Variants in ISM1 observed in about 807,000 individuals in gnomAD.
The protein encoded by ISM1 is isthmin 1, also known as isthmin-1.
Under a neutral mutation model 46.3 loss-of-function variants are expected in ISM1, and 25 were observed. The ratio of observed to expected loss-of-function variants is 0.54; its 90% CI spans 0.39 to 0.75. The LOEUF (loss-of-function observed/expected upper bound fraction) is 0.75. ISM1 is among the 30% of genes least tolerant of loss of function. The probability of loss-of-function intolerance (pLI) is 0.00; values close to 1 mark genes in which losing one functional copy is unlikely to be tolerated. For synonymous variants in ISM1, 255 were observed against 256.7 expected (o/e 0.99, Z 0.06); for missense variants, 536 against 625.4 (o/e 0.86, Z 1.52).
chr20:13,225,355 G>A (rs1001549967), intron 1 of ISM1, among the ~76,000 whole-genome samples: 7 of 152,184 alleles, frequency 4.6e-5, no homozygotes, highest in Non-Finnish European at 8.8e-5. Flanking sequence ...ATACACTCAA[G>A]AGAGAGAAAG....
At chr20:13,228,701 A>C (rs912749981) in intron 1 of ISM1, among the ~76,000 whole-genome samples, 1 of 152,148 alleles carries the variant, frequency 6.6e-6, no homozygotes, top group Non-Finnish European at 1.5e-5. Context: ...CTCCAGCTTG[A>C]AAAAATTTCT....
chr20:13,282,993 T>C (rs1240725158), intron 3 of ISM1, among the ~76,000 whole-genome samples: 1 of 152,210 alleles, frequency 6.6e-6, no homozygotes, highest in African/African-American at 2.4e-5. Flanking sequence ...CGGAATTCCA[T>C]ACAGCATCAG....
intron 1 of ISM1, among the ~76,000 whole-genome samples, chr20:13,256,395 C>CAAAAAAAA: frequency 2.8e-5 from 2 of 71,802 alleles, no homozygotes; most frequent in Non-Finnish European, 5.7e-5. Flanking sequence ...GACCCCGTCT[C>CAAAAAAAA]AAAAAAAAAA....
Position 13,299,713 on chromosome 20 carries a change from A to G in ISM1, c.*254A>G. ...CGATGTGGGCAGAAGGATGGGGACAACTTGGAAGCCAGAAGAAGAACCTGG... is the reference window on the plus strand; with the variant it reads ...CGATGTGGGCAGAAGGATGGGGACAGCTTGGAAGCCAGAAGAAGAACCTGG... On this transcript the variant is annotated 3_prime_UTR_variant, in exon 6 of 6. Coordinates refer to ENST00000262487, the MANE Select transcript of ISM1 (RefSeq NM_080826.2). The surrounding 1 kb of genome is among the most constrained non-coding windows in gnomAD (Gnocchi z 5.8). 2.6e-6 allele frequency: 1 copy of G among 387,578 alleles called. No homozygotes were observed. Among genetic ancestry groups the G allele is most frequent in the Non-Finnish European group, 4.6e-6 (1 of 215,330 alleles). 24.0% of individuals were successfully genotyped at this position (387,578 alleles called of 1,614,324 possible). A position where few individuals can be genotyped will look rare whatever the true frequency, so the allele number is the denominator to read the frequency against.
At chr20:13,289,359 C>G (rs934607209) in intron 4 of ISM1, among the ~76,000 whole-genome samples, 5 of 152,158 alleles carry the variant, frequency 3.3e-5, no homozygotes, top group Non-Finnish European at 7.3e-5. Flanking sequence ...ACAGCCCCAC[C>G]GGTAATACCA....
intron 3 of ISM1, among the ~76,000 whole-genome samples, chr20:13,283,084 A>G (rs1238263355): frequency 6.6e-6 from 1 of 152,098 alleles, no homozygotes; most frequent in Non-Finnish European, 1.5e-5. Flanking sequence ...CCTGTTGCCC[A>G]GGCTGGAGTG....
chr20:13,301,037 A>G (rs1332658059), downstream of ISM1, among the ~76,000 whole-genome samples: 3 of 152,304 alleles, frequency 2.0e-5, no homozygotes, highest in South Asian at 6.2e-4. Flanking sequence ...AAACATAAAG[A>G]CATTGGACCC....
chr20:13,321,253 T>C, the ISM1 span, among the ~76,000 whole-genome samples: 1 of 57,522 alleles, frequency 1.7e-5, no homozygotes, highest in African/African-American at 7.6e-5. Context: ...GTGCCCCACA[T>C]AAAAAAAAAA....
intron 1 of ISM1, among the ~76,000 whole-genome samples, chr20:13,260,187 C>G (rs2039972390): frequency 6.6e-6 from 1 of 152,352 alleles, no homozygotes; most frequent in East Asian, 1.9e-4. Context: ...CAGGAGCTTT[C>G]TCTTCACCTC....
At chr20:13,267,518 C>T (rs1234803222) in intron 1 of ISM1, among the ~76,000 whole-genome samples, 2 of 152,134 alleles carry the variant, frequency 1.3e-5, no homozygotes, top group Admixed American at 1.3e-4. Context: ...GGGGAGGGTA[C>T]AGGGCTCTTC....
At chr20:13,326,569 G>C in the ISM1 span, among the ~76,000 whole-genome samples, 1 of 151,922 alleles carries the variant, frequency 6.6e-6, no homozygotes, top group African/African-American at 2.4e-5. Context: ...GGTATATAGT[G>C]GTATCTCAAC....
At chr20:13,290,132 G>T (rs2040337146) in intron 4 of ISM1, among the ~76,000 whole-genome samples, 1 of 152,186 alleles carries the variant, frequency 6.6e-6, no homozygotes, top group African/African-American at 2.4e-5. Flanking sequence ...CATGCAGATG[G>T]ATTTCAAAAC....
At position 13,270,645 on chromosome 20, in the gene ISM1, T is replaced by G. The variant is rs754202536; in HGVS notation, c.280T>G (p.Ser94Ala). 3.1e-6 allele frequency: 5 copies of G among 1,613,962 alleles called. No homozygotes were observed. The South Asian group carries it at 5.5e-5, about 18-fold the overall frequency. The stretch of plus-strand genomic sequence containing the variant: ...ATTCCGACAAGAGACGGGGCACCCT[T>G]CATTGCAAAGAGATTTCCCCAGATC... ...PRFRQETGHP[S>A]LQRDFPRSFL... Residue 94 changes from serine (S) to alanine (A), a missense_variant, in exon 2 of 6, where the codon TCA (serine) becomes GCA (alanine). Ser to Ala is a moderately conservative substitution (Grantham distance 99). Coordinates refer to ENST00000262487, the MANE Select transcript of ISM1 (RefSeq NM_080826.2).
intron 1 of ISM1, among the ~76,000 whole-genome samples, chr20:13,242,822 T>G (rs1448361442): frequency 6.6e-6 from 1 of 152,206 alleles, no homozygotes; most frequent in East Asian, 1.9e-4. Context: ...ATGTGTGAAG[T>G]AGTGGGAGCT....
chr20:13,244,029 T>C (rs1420592698), intron 1 of ISM1: 2 of 152,244 alleles, frequency 1.3e-5, no homozygotes, highest in African/African-American at 2.4e-5. Flanking sequence ...GTGTAGGCAC[T>C]GGTGATTCAT....
chr20:13,264,771 C>T (rs193252317), intron 1 of ISM1, among the ~76,000 whole-genome samples: 3 of 152,194 alleles, frequency 2.0e-5, no homozygotes, highest in Non-Finnish European at 4.4e-5. Flanking sequence ...GTGATTAAAA[C>T]GTGTGGATTT....
At chr20:13,270,766 T>C in intron 2 of ISM1, 23 bp downstream of exon 2, 1 of 1,607,418 alleles carries the variant, frequency 6.2e-7, no homozygotes, top group Non-Finnish European at 8.5e-7. Flanking sequence ...ACCTGGAAGA[T>C]GGGAGATAAC....
intron 1 of ISM1, among the ~76,000 whole-genome samples, chr20:13,267,889 T>C (rs1015574249): frequency 1.3e-5 from 2 of 152,198 alleles, no homozygotes; most frequent in Non-Finnish European, 2.9e-5. Context: ...ACTAAAGCAA[T>C]TGGGAAGCAA....
chr20:13,276,056 T>C (rs144500560), intron 2 of ISM1, among the ~76,000 whole-genome samples: 4 of 152,378 alleles, frequency 2.6e-5, no homozygotes, highest in African/African-American at 7.2e-5. Context: ...GATATCTTCC[T>C]AGTCCATTTT....
Sources: gnomAD v4.1 joint callset for allele counts (sites outside exome capture counted in the v4.1 genomes callset) on GRCh38, gnomAD v4.1.1 for gene constraint, Gnocchi (gnomAD v3.1) non-coding constraint, MANE v1.5 for transcripts, NCBI Gene and HGNC (gene_info 2026-07-23, HGNC 2026-07-21) for gene names.